Variants in BMPR1A observed in about 807,000 individuals in gnomAD.
BMPR1A encodes bone morphogenetic protein receptor type 1A, also known as bone morphogenetic protein receptor type-1A.
In BMPR1A, 7 loss-of-function variants were observed where a neutral mutation model predicts 66.0. The ratio of observed to expected loss-of-function variants is 0.11; its 90% confidence interval spans 0.06 to 0.20. The LOEUF (loss-of-function observed/expected upper bound fraction) is 0.20. Among genes scored for constraint, BMPR1A ranks in the 10% least tolerant of loss-of-function variants. The probability of loss-of-function intolerance (pLI) is 1.00; values close to 1 mark genes in which losing one functional copy is unlikely to be tolerated. For synonymous variants in BMPR1A, 200 were observed against 229.7 expected, an observed-to-expected ratio of 0.87 and a Z score of 1.17; for missense variants, 408 against 669.1, an observed-to-expected ratio of 0.61 and a Z score of 4.31.
At chr10:86,848,936 C>T (rs964352243) in intron 2 of BMPR1A, among the ~76,000 whole-genome samples, 1 of 152,142 alleles carries the variant, frequency 6.6e-6, no homozygotes, top group Admixed American at 6.5e-5. Flanking sequence ...TTCTCATTGC[C>T]TCTTGGTTGG....
chr10:86,884,098 G>T (rs1296641029), intron 3 of BMPR1A, among the ~76,000 whole-genome samples: 2 of 151,820 alleles, frequency 1.3e-5, no homozygotes, highest in Non-Finnish European at 2.9e-5. Context: ...GAACTCCTGA[G>T]CTCAGGTGAT....
At chr10:86,893,337 A>T (rs1319001138) in intron 5 of BMPR1A, among the ~76,000 whole-genome samples, 2 of 152,222 alleles carry the variant, frequency 1.3e-5, no homozygotes, top group Admixed American at 6.5e-5. Flanking sequence ...GAGCATCCTG[A>T]TGGCTCTGGG....
At chr10:86,868,235 C>T (rs1379820395) in intron 2 of BMPR1A, among the ~76,000 whole-genome samples, 1 of 152,220 alleles carries the variant, frequency 6.6e-6, no homozygotes, top group Non-Finnish European at 1.5e-5. Context: ...GGTAAGATTT[C>T]TGTGTATTAC....
intron 1 of BMPR1A, among the ~76,000 whole-genome samples, chr10:86,812,293 G>A (rs1340040651): frequency 6.6e-6 from 1 of 152,182 alleles, no homozygotes; most frequent in Non-Finnish European, 1.5e-5. Flanking sequence ...TTGAGACTGT[G>A]TTATTTAGCA....
chr10:86,899,061 C>T (rs1247589573), intron 5 of BMPR1A, among the ~76,000 whole-genome samples: 2 of 152,208 alleles, frequency 1.3e-5, no homozygotes, highest in Admixed American at 6.5e-5. Context: ...TTTCCGCTTA[C>T]ATTCTTGTTA....
chr10:86,875,842 C>T lies in BMPR1A; in HGVS notation c.-152-25C>T, dbSNP rs1681207074. 6.2e-6 allele frequency: 4 copies of T among 645,058 alleles called. 1 individual carries two copies. In the South Asian group the frequency reaches 7.5e-5, roughly 12 times the overall value. 40.0% of individuals were successfully genotyped at this position (645,058 alleles called of 1,614,324 possible). On this transcript the variant is annotated intron_variant, in intron 2 of 12. Transcript: ENST00000372037. ...TTCCAAAATTCAGTTGTATTCCTTACCTTTTAAATATTTTTGTCTTTCAGG... is the reference window on the plus strand; with the variant it reads ...TTCCAAAATTCAGTTGTATTCCTTATCTTTTAAATATTTTTGTCTTTCAGG...
chr10:86,854,917 C>CTTTTTTTTTCTTTTTCTTTTTTT (rs1842618113), intron 2 of BMPR1A: 6 of 174,440 alleles, frequency 3.4e-5, no homozygotes, highest in Admixed American at 6.0e-5. Flanking sequence ...TCATTAAGTT[C>CTTTTTTTTTCTTTTTCTTTTTTT]TTTTTTTTTC....
At chr10:86,889,887 G>A (rs568761629) in intron 3 of BMPR1A, among the ~76,000 whole-genome samples, 175 bp from the exon 4 acceptor site, 1 of 152,248 alleles carries the variant, frequency 6.6e-6, no homozygotes, top group South Asian at 2.1e-4. Context: ...CAGTAATTCT[G>A]TGCATAATAA....
intron 1 of BMPR1A, among the ~76,000 whole-genome samples, chr10:86,772,688 A>C (rs1042583486): frequency 2.6e-5 from 4 of 152,128 alleles, no homozygotes; most frequent in Non-Finnish European, 5.9e-5. Flanking sequence ...AATAATAATA[A>C]TATGGAATAT....
At chr10:86,802,707 T>C (rs1452210218) in intron 1 of BMPR1A, among the ~76,000 whole-genome samples, 1 of 152,104 alleles carries the variant, frequency 6.6e-6, no homozygotes, top group Non-Finnish European at 1.5e-5. Context: ...TTTAGGAATT[T>C]GTATGCATTT....
intron 7 of BMPR1A, among the ~76,000 whole-genome samples, chr10:86,903,651 G>A (rs1352840731): frequency 5.3e-5 from 8 of 150,816 alleles, no homozygotes; most frequent in South Asian, 2.1e-4. Context: ...TCGCTCTGTC[G>A]CCCAGGCTGG....
chr10:86,888,826 CAAAAAAA>C (rs11353145), intron 3 of BMPR1A, among the ~76,000 whole-genome samples: 12 of 85,482 alleles, frequency 1.4e-4, no homozygotes, highest in Admixed American at 1.1e-3. Context: ...GACCATGTCT[CAAAAAAA>C]AAAAAAAAAA....
chr10:86,857,591 G>C (rs993598213), intron 2 of BMPR1A, among the ~76,000 whole-genome samples: 1 of 152,012 alleles, frequency 6.6e-6, no homozygotes, highest in Non-Finnish European at 1.5e-5. Context: ...GTCAGCAGGG[G>C]CTACAGTCAT....
At chr10:86,760,248 C>CTTTCT (rs1841027934) in intron 1 of BMPR1A, among the ~76,000 whole-genome samples, 1 of 17,010 alleles carries the variant, frequency 5.9e-5, no homozygotes, top group African/African-American at 1.9e-4. Context: ...TTCTTTCTTT[C>CTTTCT]TTTTTTTTTT....
chr10:86,932,241 C>G (rs1004552227), downstream of BMPR1A: 13 of 152,178 alleles, frequency 8.5e-5, no homozygotes, highest in African/African-American at 3.1e-4. Flanking sequence ...TCCCTAAATA[C>G]TTCAGGGATG....
chr10:86,847,408 T>A (rs1842502420), intron 2 of BMPR1A, among the ~76,000 whole-genome samples: 2 of 152,248 alleles, frequency 1.3e-5, no homozygotes, highest in South Asian at 4.2e-4. Context: ...TCTGATTATA[T>A]CTTATGTATT....
At chr10:86,762,582 C>T (rs1180592248) in intron 1 of BMPR1A, among the ~76,000 whole-genome samples, 2 of 152,164 alleles carry the variant, frequency 1.3e-5, no homozygotes, top group Admixed American at 6.5e-5. Flanking sequence ...CTGGTCTCAA[C>T]TCCTGACCTC....
At chr10:86,771,138 C>A (rs1474498033) in intron 1 of BMPR1A, among the ~76,000 whole-genome samples, 1 of 152,046 alleles carries the variant, frequency 6.6e-6, no homozygotes, top group Non-Finnish European at 1.5e-5. Flanking sequence ...TATATGATAA[C>A]CCTTTTAATT....
rs530094366 is a variant in BMPR1A, at chr10:86,903,797, C to T, written c.530+3671C>T. Reference sequence around the variant, plus strand: ...TAAGTTTTTGTATTTTTAGTAGAGACGGGGTTTCATCGTGTTAGCCAGATG... The same window carrying T: ...TAAGTTTTTGTATTTTTAGTAGAGATGGGGTTTCATCGTGTTAGCCAGATG... On this transcript the variant is annotated intron_variant, in intron 7 of 12. Coordinates refer to ENST00000372037, the MANE Select transcript of BMPR1A (RefSeq NM_004329.3). 7.9e-5 allele frequency among the ~76,000 whole-genome samples: 12 copies of T among 152,034 alleles called. No homozygotes were observed. In the East Asian group the frequency reaches 1.4e-3, roughly 17 times the overall value.
Sources: gnomAD v4.1 joint callset for allele counts (sites outside exome capture counted in the v4.1 genomes callset) on GRCh38, gnomAD v4.1.1 for gene constraint, MANE v1.5 for transcripts, NCBI Gene and HGNC (gene_info 2026-07-23, HGNC 2026-07-21) for gene names.